AKT2: variants seen among roughly 807,000 people sequenced by gnomAD.
AKT2 encodes the protein RAC-beta serine/threonine-protein kinase.
Under a neutral mutation model 58.6 loss-of-function variants are expected in AKT2, and 16 were observed. The ratio of observed to expected loss-of-function variants is 0.27; its 90% CI spans 0.18 to 0.41. AKT2 has a LOEUF of 0.41. AKT2 is among the 10% of genes least tolerant of loss of function. The probability of loss-of-function intolerance (pLI) is 1.00; values close to 1 mark genes in which losing one functional copy is unlikely to be tolerated. For missense variants in AKT2, 438 were observed against 661.0 expected, an observed-to-expected ratio of 0.66 and a Z score of 3.70; for synonymous variants, 253 against 254.0, an observed-to-expected ratio of 1.00 and a Z score of 0.04.
intron 4 of AKT2, among the ~76,000 whole-genome samples, chr19:40,248,022 G>C (rs959677136): frequency 3.3e-5 from 5 of 152,226 alleles, no homozygotes; most frequent in African/African-American, 4.8e-5. Context: ...CACAGGCTCT[G>C]GGCCAGGAGC....
chr19:40,278,549 G>C (rs1014701346), intron 1 of AKT2, among the ~76,000 whole-genome samples: 6 of 152,116 alleles, frequency 3.9e-5, no homozygotes, highest in African/African-American at 1.4e-4. Flanking sequence ...TGGTTGGGCA[G>C]GAGTACAGTG....
intron 4 of AKT2, among the ~76,000 whole-genome samples, chr19:40,249,519 G>A (rs757349734): frequency 6.6e-6 from 1 of 152,236 alleles, no homozygotes; most frequent in Non-Finnish European, 1.5e-5. Flanking sequence ...GAAGCTCGGC[G>A]AAGCAGAGGT....
chr19:40,256,490 T>A (rs1454776199), intron 3 of AKT2, among the ~76,000 whole-genome samples: 2 of 152,118 alleles, frequency 1.3e-5, no homozygotes, highest in East Asian at 3.9e-4. Flanking sequence ...CTGGAAGACA[T>A]CCCTTTGGGT....
chr19:40,256,053 G>A (rs1975520199), intron 3 of AKT2, among the ~76,000 whole-genome samples: 1 of 152,198 alleles, frequency 6.6e-6, no homozygotes, highest in African/African-American at 2.4e-5. Context: ...AGAGCTGGGA[G>A]AGGCCTGAAG....
chr19:40,282,938 A>ATACGGC, intron 1 of AKT2: 1 of 169,148 alleles, frequency 5.9e-6, no homozygotes, highest in Non-Finnish European at 1.3e-5. Context: ...TTCAGCTATG[A>ATACGGC]GACCTCTGGG....
At chr19:40,282,512 A>C (rs759303097) in intron 1 of AKT2, 1 of 529,202 alleles carries the variant, frequency 1.9e-6, no homozygotes, top group East Asian at 5.5e-5. Flanking sequence ...GACTGGCTGT[A>C]GGCAGAGATG....
intron 1 of AKT2, chr19:40,269,355 C>T (rs1976566747): frequency 6.6e-6 from 1 of 152,256 alleles, no homozygotes; most frequent in Non-Finnish European, 1.5e-5. Flanking sequence ...CAGGAGAGGA[C>T]ACCCACACAA....
rs749324936 is a variant in AKT2 at position 40,236,237 on chromosome 19, C to A, written c.960+20G>T. The A allele has an allele frequency of 2.5e-5, 40 of 1,613,448 alleles. No individual in the cohort carries two copies. Among genetic ancestry groups the A allele is most frequent in the Non-Finnish European group, 3.2e-5 (38 of 1,180,006 alleles). The stretch of plus-strand genomic sequence containing the variant: ...CTACCCTTGGCCTCACACGTTCCTA[C>A]CCCCACCAACCCCAGACACCTCAGG... On this transcript the variant is annotated intron_variant, in intron 10 of 13. Coordinates refer to ENST00000392038, the MANE Select transcript of AKT2 (RefSeq NM_001626.6).
intron 1 of AKT2, chr19:40,275,357 C>T (rs1568572070): frequency 2.2e-6 from 1 of 455,634 alleles, no homozygotes; most frequent in African/African-American, 2.0e-5. Context: ...TCCCTGGGAG[C>T]TCCAGGGCAG....
intron 2 of AKT2, among the ~76,000 whole-genome samples, chr19:40,260,934 G>A (rs903013939): frequency 1.3e-5 from 2 of 152,168 alleles, no homozygotes; most frequent in Admixed American, 1.3e-4. Flanking sequence ...CAGCCTGGGC[G>A]ATAGCCCAAG....
chr19:40,272,465 G>A (rs2077232796), intron 1 of AKT2, among the ~76,000 whole-genome samples: 1 of 152,134 alleles, frequency 6.6e-6, no homozygotes, highest in South Asian at 2.1e-4. Flanking sequence ...GCTGACACTG[G>A]GACCATCAGC....
rs1974470814 is a variant in AKT2 at position 40,242,434 on chromosome 19, G to A, written c.441+100C>T. On this transcript the variant is annotated intron_variant, in intron 5 of 13. Transcript: ENST00000392038. This position sits in a 1 kb window ranked among gnomAD's most constrained non-coding sequence, Gnocchi z 4.3. ...TGCAGGGCAGCCTTGTCTCTCAGCTGAGCCCCCTGAACTGTGTTATGGAAA... is the reference window on the plus strand; with the variant it reads ...TGCAGGGCAGCCTTGTCTCTCAGCTAAGCCCCCTGAACTGTGTTATGGAAA... The A allele has an allele frequency of 6.4e-7, 1 of 1,553,534 alleles. No homozygotes were observed. The highest frequency in any genetic ancestry group is 8.8e-7 in the Non-Finnish European group (1 of 1,136,172).
chr19:40,254,605 A>G (rs1486882331), intron 4 of AKT2, among the ~76,000 whole-genome samples: 1 of 151,934 alleles, frequency 6.6e-6, no homozygotes, highest in Non-Finnish European at 1.5e-5. Flanking sequence ...AGGCAGGCGG[A>G]TCACCTGAGG....
intron 4 of AKT2, among the ~76,000 whole-genome samples, chr19:40,246,185 C>CA (rs1267424423): frequency 6.6e-6 from 1 of 151,284 alleles, no homozygotes; most frequent in Non-Finnish European, 1.5e-5. Context: ...TTTTTGGAGA[C>CA]AGAGTCTCGC....
rs930709535 is a variant in AKT2 at position 40,231,686 on chromosome 19, C to T, written c.*2186G>A. 1 of 233,504 alleles carries T rather than the reference C, an allele frequency of 4.3e-6. No individual in the cohort carries two copies. The highest frequency in any genetic ancestry group is 8.5e-6 in the Non-Finnish European group (1 of 118,200). 14.5% of individuals were successfully genotyped at this position (233,504 alleles called of 1,614,324 possible). A position where few individuals can be genotyped will look rare whatever the true frequency, so the allele number is the denominator to read the frequency against. On this transcript the variant is annotated 3_prime_UTR_variant, in exon 14 of 14. Transcript: ENST00000392038. The stretch of plus-strand genomic sequence containing the variant: ...GGGGAGGTGTTCCATCCGGCCAGCG[C>T]CCGGCCATGCAGCCACGTGACTCAA...
At position 40,235,822 on chromosome 19, in the gene AKT2, C is replaced by T. The variant is rs1201567411; in HGVS notation, c.1175+68G>A. 1 of 1,493,000 alleles carries T rather than the reference C, an allele frequency of 6.7e-7. No individual in the cohort carries two copies. Among genetic ancestry groups the T allele is most frequent in the African/African-American group, 1.4e-5 (1 of 72,614 alleles). 92.5% of individuals were successfully genotyped at this position (1,493,000 alleles called of 1,614,324 possible). On this transcript the variant is annotated intron_variant, in intron 11 of 13. Coordinates refer to ENST00000392038, the MANE Select transcript of AKT2 (RefSeq NM_001626.6). The surrounding 1 kb of genome is among the most constrained non-coding windows in gnomAD (Gnocchi z 6.3). ...AGCGAGCACCCTTGTGGACGCTGCC[C>T]CCTCCAGGCCGCAGGGACAGTGGCA...
chr19:40,278,930 C>T (rs1432232483), intron 1 of AKT2, among the ~76,000 whole-genome samples: 1 of 151,670 alleles, frequency 6.6e-6, no homozygotes, highest in Admixed American at 6.6e-5. Flanking sequence ...TCAGCTACCC[C>T]CGGGACCAGG....
intron 3 of AKT2, among the ~76,000 whole-genome samples, chr19:40,255,819 T>C (rs376343625): frequency 6.6e-6 from 1 of 152,036 alleles, no homozygotes; most frequent in Admixed American, 6.5e-5. Flanking sequence ...CAGGGAGCCA[T>C]AGAAGGCTTT....
rs1168818102 is a variant in AKT2 at position 40,238,680 on chromosome 19, A to C, written c.708+225T>G. Among the ~76,000 whole-genome samples the C allele has an allele frequency of 6.6e-6, 1 of 151,986 alleles. No homozygotes were observed. Among genetic ancestry groups the C allele is most frequent in the African/African-American group, 2.4e-5 (1 of 41,350 alleles). ...CTCTGGACTGGTTTGGACCTGACCC[A>C]CCCACTCACTAGCTGTGTAAACTTG... On this transcript the variant is annotated intron_variant, in intron 8 of 13. Transcript: ENST00000392038. The surrounding 1 kb of genome is among the most constrained non-coding windows in gnomAD (Gnocchi z 5.1).
Sources: allele counts gnomAD v4.1 joint callset (sites outside exome capture counted in the v4.1 genomes callset), GRCh38; gene constraint gnomAD v4.1.1; non-coding constraint Gnocchi (gnomAD v3.1); transcripts MANE v1.5; gene names NCBI Gene and HGNC (gene_info 2026-07-23, HGNC 2026-07-21).